The following NEMP2 variants were observed in gnomAD, a reference collection of about 807,000 sequenced individuals.
NEMP2 encodes the protein UPF0571 transmembrane protein.
A neutral mutation model predicts 54.2 loss-of-function variants in NEMP2; 53 were observed. That is an observed-to-expected ratio of 0.98 (90% CI 0.78 to 1.23). The LOEUF is 1.23. Ranked by LOEUF, NEMP2 falls within the 50% of genes most tolerant of loss-of-function variation. NEMP2 has a pLI of 0.00. For synonymous variants in NEMP2, 197 were observed against 190.3 expected, an observed-to-expected ratio of 1.04 and a Z score of -0.29; for missense variants, 455 against 511.3, an observed-to-expected ratio of 0.89 and a Z score of 1.06.
chr2:190,481,517 A>G, the NEMP2 span, among the ~76,000 whole-genome samples: 1,060 of 152,260 alleles, frequency 7.0e-3, 6 homozygotes, highest in Non-Finnish European at 0.011. Context: ...GTTACATGTC[A>G]GCCCTCTGCT....
At chr2:190,444,066 G>T in the NEMP2 span, among the ~76,000 whole-genome samples, 679 of 152,020 alleles carry the variant, frequency 4.5e-3, 5 homozygotes, top group African/African-American at 0.016. Flanking sequence ...AAAAAGAAAA[G>T]GAGAAAAAAT....
rs1397292405 is a variant in NEMP2, at chr2:190,521,122, A to G, written c.214-1939T>C. Among the ~76,000 whole-genome samples, 1 of 152,232 alleles carries G rather than the reference A, an allele frequency of 6.6e-6. No individual in the cohort carries two copies. The highest frequency in any genetic ancestry group is 1.9e-4 in the East Asian group (1 of 5,198). ...CTTAAGAGAGGGACATGAAAGTTGC[A>G]GTCATTCATACCACATATTACTATT... On this transcript the variant is annotated intron_variant, in intron 2 of 8. Transcript: ENST00000409150. This position sits in a 1 kb window ranked among gnomAD's most constrained non-coding sequence, Gnocchi z 6.2.
At chr2:190,497,791 A>G in the NEMP2 span, 2 of 1,476,912 alleles carry the variant, frequency 1.4e-6, no homozygotes, top group Non-Finnish European at 9.2e-7. The surrounding 1 kb of genome is among the most constrained non-coding windows in gnomAD (Gnocchi z 5.2). Flanking sequence ...AGTTTTAATT[A>G]CTCACTTTTC....
the NEMP2 span, chr2:190,625,169 T>A: frequency 6.6e-6 from 1 of 152,180 alleles, no homozygotes; most frequent in African/African-American, 2.4e-5. Flanking sequence ...TCACAGAACA[T>A]GATTAATAGT....
chr2:190,530,913 C>T lies in NEMP2; in HGVS notation c.97+3646G>A, dbSNP rs1408822234. On this transcript the variant is annotated intron_variant, in intron 1 of 8. Transcript: ENST00000409150. This position sits in a 1 kb window ranked among gnomAD's most constrained non-coding sequence, Gnocchi z 4.6. ...GTGCTGAGGCTCATGCCTGTAATCC[C>T]AGCACTTTGGGAGGCCAAGGCAGGT... Among the ~76,000 whole-genome samples the T allele has an allele frequency of 6.6e-6, 1 of 152,178 alleles. No individual in the cohort carries two copies. Among genetic ancestry groups the T allele is most frequent in the Non-Finnish European group, 1.5e-5 (1 of 68,034 alleles).
the NEMP2 span, among the ~76,000 whole-genome samples, chr2:190,566,774 GA>G: frequency 9.3e-5 from 14 of 151,220 alleles, no homozygotes; most frequent in African/African-American, 3.2e-4. Context: ...AGGAAAGAAA[GA>G]TTCAGAAGTC....
the NEMP2 span, among the ~76,000 whole-genome samples, chr2:190,540,030 T>A: frequency 6.6e-6 from 1 of 152,210 alleles, no homozygotes; most frequent in South Asian, 2.1e-4. Flanking sequence ...AATTTCTCCT[T>A]ATTCAGTATA....
downstream of NEMP2, chr2:190,502,068 C>T (rs1477834007): frequency 6.6e-6 from 1 of 152,498 alleles, no homozygotes; most frequent in Non-Finnish European, 1.5e-5. This position sits in a 1 kb window ranked among gnomAD's most constrained non-coding sequence, Gnocchi z 4.4. Flanking sequence ...AAAATGAATA[C>T]CATTTTTAAA....
At chr2:190,463,387 C>CA in the NEMP2 span, among the ~76,000 whole-genome samples, 25 of 152,228 alleles carry the variant, frequency 1.6e-4, no homozygotes, top group East Asian at 1.2e-3. The surrounding 1 kb of genome is among the most constrained non-coding windows in gnomAD (Gnocchi z 4.4). Flanking sequence ...GAGGAGGGCA[C>CA]ATCAAGTGCT....
chr2:190,633,986 C>T, the NEMP2 span, among the ~76,000 whole-genome samples: 1 of 152,090 alleles, frequency 6.6e-6, no homozygotes, highest in Non-Finnish European at 1.5e-5. Flanking sequence ...GCAGGAAAAT[C>T]GCTTGAACCC....
the NEMP2 span, chr2:190,625,512 C>G: frequency 6.6e-6 from 1 of 152,094 alleles, no homozygotes; most frequent in Non-Finnish European, 1.5e-5. Context: ...TGTGAATGTA[C>G]TAAGAACACT....
At chr2:190,516,606 T>C (rs1212314675) in intron 5 of NEMP2, among the ~76,000 whole-genome samples, 1 of 152,192 alleles carries the variant, frequency 6.6e-6, no homozygotes, top group Non-Finnish European at 1.5e-5. Flanking sequence ...CACTGCAGAC[T>C]GCTAAATCAG....
chr2:190,489,716 C>A, the NEMP2 span: 1 of 1,506,946 alleles, frequency 6.6e-7, no homozygotes, highest in Non-Finnish European at 9.1e-7. The surrounding 1 kb of genome is among the most constrained non-coding windows in gnomAD (Gnocchi z 6.6). Context: ...TTTAGATGAG[C>A]GCTATCTGCA....
At chr2:190,568,821 TCAAAA>T in the NEMP2 span, among the ~76,000 whole-genome samples, 20 of 151,908 alleles carry the variant, frequency 1.3e-4, no homozygotes, top group Admixed American at 3.9e-4. This position sits in a 1 kb window ranked among gnomAD's most constrained non-coding sequence, Gnocchi z 4.7. Flanking sequence ...AAACTCCATC[TCAAAA>T]CAAAACAAAA....
chr2:190,518,219 C>CATCAGAATAA (rs1217176994), intron 4 of NEMP2, among the ~76,000 whole-genome samples: 1 of 152,108 alleles, frequency 6.6e-6, no homozygotes, highest in African/African-American at 2.4e-5. Context: ...AGAAGCAAAA[C>CATCAGAATAA]ATCAGAATAA....
the NEMP2 span, among the ~76,000 whole-genome samples, chr2:190,542,185 C>T: frequency 6.6e-6 from 1 of 152,214 alleles, no homozygotes; most frequent in Non-Finnish European, 1.5e-5. This position sits in a 1 kb window ranked among gnomAD's most constrained non-coding sequence, Gnocchi z 4.6. Context: ...TCTTGCCCAA[C>T]TCCCTCTTGA....
the NEMP2 span, among the ~76,000 whole-genome samples, chr2:190,476,755 A>G: frequency 1.3e-5 from 2 of 152,102 alleles, no homozygotes; most frequent in African/African-American, 2.4e-5. Context: ...ACATGCACAC[A>G]TATGTTTATT....
At chr2:190,534,905 C>CCGGCCT (rs545546758), upstream of NEMP2, 276 of 350,006 alleles carry the variant, frequency 7.9e-4, 1 homozygote, top group East Asian at 2.2e-3. Flanking sequence ...TGGCATGCTC[C>CCGGCCT]CGGCCTCGGC....
At chr2:190,466,922 A>T in the NEMP2 span, among the ~76,000 whole-genome samples, 1 of 152,328 alleles carries the variant, frequency 6.6e-6, no homozygotes, top group South Asian at 2.1e-4. Context: ...CCATCTGGGA[A>T]GAGGTTTGAA....
Sources: allele counts gnomAD v4.1 joint callset (sites outside exome capture counted in the v4.1 genomes callset), GRCh38; gene constraint gnomAD v4.1.1; non-coding constraint Gnocchi (gnomAD v3.1); transcripts MANE v1.5; gene names NCBI Gene and HGNC (gene_info 2026-07-23, HGNC 2026-07-21).